The following FAIM variants were observed in gnomAD, a reference collection of about 807,000 sequenced individuals.
The protein encoded by FAIM is fas apoptotic inhibitory molecule 1.
FAIM carries 14 observed loss-of-function variants against 21.2 expected under a neutral mutation model. The ratio of observed to expected loss-of-function variants is 0.66; its 90% confidence interval spans 0.44 to 1.03. The LOEUF (loss-of-function observed/expected upper bound fraction) is 1.03, where lower values mean the gene tolerates loss of function less well. Ranked by LOEUF, FAIM falls within the 50% of genes least tolerant of loss-of-function variation. The pLI is 0.00. For missense variants in FAIM, 222 were observed against 247.1 expected (o/e 0.90, Z 0.68); for synonymous variants, 86 against 80.4 (o/e 1.07, Z -0.37).
Position 138,633,178 on chromosome 3 carries a change from TTTTAA to T in FAIM, c.*103_*107del. ...TTATCAGTACATTTAGTCTGCAATG[TTTTAA>T]TTTTTTAAAAAGTTACATGAAACTA... On this transcript the variant is annotated 3_prime_UTR_variant, in exon 6 of 6. Transcript: ENST00000360570. 1 of 1,042,142 alleles carries T rather than the reference TTTTAA, an allele frequency of 9.6e-7. No homozygotes were observed. Among genetic ancestry groups the T allele is most frequent in the Non-Finnish European group, 1.3e-6 (1 of 776,806 alleles). The allele number at this position is 1,042,142 out of a possible 1,614,324, so 64.6% of individuals were successfully genotyped here.
chr3:138,617,471 G>C (rs1378240122), intron 1 of FAIM, among the ~76,000 whole-genome samples: 2 of 146,204 alleles, frequency 1.4e-5, no homozygotes, highest in Non-Finnish European at 3.0e-5. Context: ...ATGTACTCCA[G>C]ACTGGGCAAC....
chr3:138,614,656 T>G (rs1485712797), intron 1 of FAIM, among the ~76,000 whole-genome samples: 4 of 152,104 alleles, frequency 2.6e-5, no homozygotes, highest in African/African-American at 9.7e-5. Context: ...AAAAGACATG[T>G]ACGACCAGGT....
intron 5 of FAIM, among the ~76,000 whole-genome samples, chr3:138,632,639 A>G (rs954766359): frequency 6.6e-5 from 10 of 152,258 alleles, no homozygotes; most frequent in Non-Finnish European, 1.5e-4. Flanking sequence ...AATAAATGTC[A>G]TATTTATCAT....
chr3:138,614,807 G>C (rs2042809089), intron 1 of FAIM, among the ~76,000 whole-genome samples: 1 of 151,982 alleles, frequency 6.6e-6, no homozygotes, highest in African/African-American at 2.4e-5. Flanking sequence ...CGGGTGTGGT[G>C]GTGTGTACCT....
chr3:138,617,050 G>C (rs946108166), intron 1 of FAIM, among the ~76,000 whole-genome samples: 1 of 151,958 alleles, frequency 6.6e-6, no homozygotes, highest in Non-Finnish European at 1.5e-5. Context: ...CTGAATGATT[G>C]TTCATAGTTT....
At chr3:138,614,304 G>T (rs911988076) in intron 1 of FAIM, among the ~76,000 whole-genome samples, 6 of 152,176 alleles carry the variant, frequency 3.9e-5, no homozygotes, top group Non-Finnish European at 8.8e-5. Context: ...GCTGGGTGTT[G>T]TGGCACATGC....
intron 1 of FAIM, chr3:138,610,751 T>G: frequency 2.2e-6 from 1 of 463,064 alleles, no homozygotes; most frequent in Non-Finnish European, 3.9e-6. Flanking sequence ...GCCCGGCAAA[T>G]TTTTCTATTT....
intron 4 of FAIM, among the ~76,000 whole-genome samples, chr3:138,628,016 T>G (rs1424133240): frequency 6.6e-6 from 1 of 152,156 alleles, no homozygotes; most frequent in Non-Finnish European, 1.5e-5. Flanking sequence ...TTCTGGCTTC[T>G]TGATTAGTGT....
intron 1 of FAIM, among the ~76,000 whole-genome samples, chr3:138,612,096 ATTTTT>A (rs138371254): frequency 6.9e-5 from 7 of 100,810 alleles, no homozygotes; most frequent in Non-Finnish European, 1.1e-4. Context: ...TTGTCTGGCT[ATTTTT>A]TTTTTTTTTT....
chr3:138,620,057 C>A (rs1049388998), intron 2 of FAIM, among the ~76,000 whole-genome samples: 2 of 152,120 alleles, frequency 1.3e-5, no homozygotes, highest in African/African-American at 4.8e-5. Context: ...ATCCATTTAC[C>A]ATCTTCAGTT....
chr3:138,610,059 A>G (rs1054923151), intron 1 of FAIM, among the ~76,000 whole-genome samples: 2 of 152,058 alleles, frequency 1.3e-5, no homozygotes, highest in African/African-American at 4.8e-5. Flanking sequence ...AGATGTCAAC[A>G]CTTGAGTGTG....
chr3:138,622,802 G>A (rs951397770), intron 4 of FAIM, among the ~76,000 whole-genome samples: 1 of 152,076 alleles, frequency 6.6e-6, no homozygotes, highest in Admixed American at 6.5e-5. Context: ...ACTTTGGTAG[G>A]CTGAGGCGGG....
chr3:138,632,094 A>G (rs2043011821), intron 5 of FAIM, among the ~76,000 whole-genome samples: 1 of 151,098 alleles, frequency 6.6e-6, no homozygotes, highest in South Asian at 2.1e-4. Flanking sequence ...TCTCTGCGCT[A>G]CCTGGCGCTA....
At chr3:138,610,977 G>A in intron 1 of FAIM, 1 of 1,613,700 alleles carries the variant, frequency 6.2e-7, no homozygotes, top group Non-Finnish European at 8.5e-7. Flanking sequence ...CCCTTTATAA[G>A]GACACTCCCA....
chr3:138,612,224 T>C (rs935088394), intron 1 of FAIM, among the ~76,000 whole-genome samples: 1 of 151,674 alleles, frequency 6.6e-6, no homozygotes, highest in Non-Finnish European at 1.5e-5. Flanking sequence ...CCTCGGCCTC[T>C]TGAGTAGCTG....
At chr3:138,609,591 CGACTCTCTCTCTCTCTCTCTCGACT>C (rs2042741937) in intron 1 of FAIM, among the ~76,000 whole-genome samples, 1 of 20,450 alleles carries the variant, frequency 4.9e-5, no homozygotes, top group Non-Finnish European at 8.3e-5. Context: ...CTCTCTCTCT[CGACTCTCTCTCTCTCTCTCTCGACT>C]CTCTCTCTCT....
chr3:138,627,287 T>A (rs1308155540), intron 4 of FAIM, among the ~76,000 whole-genome samples: 1 of 151,342 alleles, frequency 6.6e-6, no homozygotes, highest in Non-Finnish European at 1.5e-5. Flanking sequence ...GTTCAAGCAA[T>A]TCTCCTGCCT....
intron 1 of FAIM, among the ~76,000 whole-genome samples, chr3:138,613,053 T>G (rs1356036899): frequency 6.6e-6 from 1 of 151,546 alleles, no homozygotes; most frequent in Non-Finnish European, 1.5e-5. Context: ...TTGCTCTTGT[T>G]GCCCAGGCTG....
intron 1 of FAIM, among the ~76,000 whole-genome samples, chr3:138,615,985 G>A (rs1180948791): frequency 6.6e-6 from 1 of 152,124 alleles, no homozygotes; most frequent in Non-Finnish European, 1.5e-5. Flanking sequence ...TATTGTTTGT[G>A]GTAAGATCAT....
Sources: allele counts gnomAD v4.1 joint callset (sites outside exome capture counted in the v4.1 genomes callset), GRCh38; gene constraint gnomAD v4.1.1; transcripts MANE v1.5; gene names NCBI Gene and HGNC (gene_info 2026-07-23, HGNC 2026-07-21).